The following UBL3 variants were observed in gnomAD, a reference collection of about 807,000 sequenced individuals.
UBL3 encodes ubiquitin-like protein 3.
Under a neutral mutation model 18.4 loss-of-function variants are expected in UBL3, and 6 were observed. That is an observed-to-expected ratio of 0.33 (90% confidence interval 0.18 to 0.64). The LOEUF is 0.64. Among genes scored for constraint, UBL3 ranks in the 30% least tolerant of loss-of-function variants. The pLI is 0.76. For synonymous variants in UBL3, 49 were observed against 46.6 expected (o/e 1.05, Z -0.21); for missense variants, 109 against 142.9 (o/e 0.76, Z 1.21).
At chr13:29,827,091 T>A (rs1278267008) in intron 1 of UBL3, among the ~76,000 whole-genome samples, 4 of 152,142 alleles carry the variant, frequency 2.6e-5, no homozygotes, top group Admixed American at 1.3e-4. Flanking sequence ...TGCTGAGGAG[T>A]GCTTTACTTC....
intron 1 of UBL3, among the ~76,000 whole-genome samples, chr13:29,813,223 G>A (rs541933828): frequency 2.7e-4 from 41 of 152,046 alleles, no homozygotes; most frequent in African/African-American, 9.4e-4. Context: ...ATCTCCCTTT[G>A]CCTTGCTGAG....
At chr13:29,846,689 A>G (rs1312518702) in intron 1 of UBL3, among the ~76,000 whole-genome samples, 1 of 152,174 alleles carries the variant, frequency 6.6e-6, no homozygotes, top group Non-Finnish European at 1.5e-5. Context: ...ATAGGGGTTA[A>G]CTTCACCACT....
chr13:29,826,352 T>C (rs1002466447), intron 1 of UBL3, among the ~76,000 whole-genome samples: 3 of 152,208 alleles, frequency 2.0e-5, no homozygotes, highest in Non-Finnish European at 4.4e-5. Flanking sequence ...TGGTAAGCTA[T>C]TAATCATTGC....
intron 1 of UBL3, among the ~76,000 whole-genome samples, chr13:29,794,037 G>T (rs958334287): frequency 1.3e-5 from 2 of 152,190 alleles, no homozygotes; most frequent in Non-Finnish European, 1.5e-5. Context: ...GTAGAGATAA[G>T]GTTTCGCCAC....
chr13:29,811,116 C>T (rs750200585), intron 1 of UBL3, among the ~76,000 whole-genome samples: 10 of 151,848 alleles, frequency 6.6e-5, no homozygotes, highest in South Asian at 2.1e-4. Flanking sequence ...AATTATTATA[C>T]GATAATCTTT....
chr13:29,788,479 T>C (rs1260839602), intron 1 of UBL3, among the ~76,000 whole-genome samples: 1 of 152,176 alleles, frequency 6.6e-6, no homozygotes, highest in Admixed American at 6.5e-5. Context: ...ACCTGGGTTT[T>C]CTTCTTCCTA....
chr13:29,829,140 A>G (rs1483976139), intron 1 of UBL3, among the ~76,000 whole-genome samples: 2 of 152,052 alleles, frequency 1.3e-5, no homozygotes, highest in East Asian at 3.9e-4. Context: ...GGGGTCAGGG[A>G]CCCACTTGAG....
chr13:29,805,214 A>G (rs546278367), intron 1 of UBL3, among the ~76,000 whole-genome samples: 1 of 152,354 alleles, frequency 6.6e-6, no homozygotes, highest in African/African-American at 2.4e-5. Flanking sequence ...ACCTATATCA[A>G]ACTAAGAATG....
chr13:29,848,543 T>C (rs944246700), intron 1 of UBL3, among the ~76,000 whole-genome samples: 2 of 152,168 alleles, frequency 1.3e-5, no homozygotes, highest in Non-Finnish European at 2.9e-5. Context: ...TTGTTTCCAC[T>C]GAATACACAA....
intron 1 of UBL3, among the ~76,000 whole-genome samples, chr13:29,833,471 A>C (rs897237709): frequency 2.6e-5 from 4 of 152,012 alleles, no homozygotes; most frequent in African/African-American, 9.7e-5. Context: ...CACAAGAAAC[A>C]TAAAAATTTG....
At chr13:29,830,223 T>A (rs951877857) in intron 1 of UBL3, among the ~76,000 whole-genome samples, 2 of 152,180 alleles carry the variant, frequency 1.3e-5, no homozygotes, top group African/African-American at 4.8e-5. Context: ...TGGTTCTAAT[T>A]GAGAAATGAG....
chr13:29,825,833 T>A (rs1878603208), intron 1 of UBL3, among the ~76,000 whole-genome samples: 2 of 152,206 alleles, frequency 1.3e-5, no homozygotes, highest in Non-Finnish European at 2.9e-5. Flanking sequence ...GCTGTGGGTT[T>A]GTCATAGATA....
chr13:29,839,174 T>C (rs764774467), intron 1 of UBL3, among the ~76,000 whole-genome samples: 5 of 152,136 alleles, frequency 3.3e-5, no homozygotes, highest in African/African-American at 9.7e-5. Flanking sequence ...ATACAATAGA[T>C]TGAACATGAT....
chr13:29,798,713 C>T (rs1010568823), intron 1 of UBL3, among the ~76,000 whole-genome samples: 1 of 152,190 alleles, frequency 6.6e-6, no homozygotes, highest in African/African-American at 2.4e-5. Context: ...TGCAACAGCA[C>T]AGCTATTTCA....
At chr13:29,799,536 T>C (rs978264637) in intron 1 of UBL3, among the ~76,000 whole-genome samples, 2 of 152,218 alleles carry the variant, frequency 1.3e-5, no homozygotes, top group African/African-American at 4.8e-5. Flanking sequence ...TATTATTTTC[T>C]TTGCTCCCAT....
chr13:29,781,828 T>TAA (rs11357100), intron 1 of UBL3, among the ~76,000 whole-genome samples: 10 of 82,708 alleles, frequency 1.2e-4, no homozygotes, highest in African/African-American at 1.5e-4. Context: ...TACAAAAAAT[T>TAA]AAAAAAAAAA....
intron 1 of UBL3, among the ~76,000 whole-genome samples, chr13:29,778,988 T>C (rs1182818399): frequency 6.6e-6 from 1 of 152,228 alleles, no homozygotes; most frequent in Non-Finnish European, 1.5e-5. Context: ...TAAGAATTTC[T>C]TGCTGCTTTT....
intron 2 of UBL3, among the ~76,000 whole-genome samples, chr13:29,773,087 T>C (rs1439836100): frequency 3.9e-5 from 6 of 152,294 alleles, no homozygotes; most frequent in South Asian, 4.1e-4. Flanking sequence ...ACAATTCTAA[T>C]GTGTTTGTTT....
chr13:29,821,179 GCTTA>G (rs1878428991), intron 1 of UBL3, among the ~76,000 whole-genome samples: 1 of 151,932 alleles, frequency 6.6e-6, no homozygotes, highest in Non-Finnish European at 1.5e-5. Flanking sequence ...CAAAGAAGAA[GCTTA>G]CTAAGTACCA....
Sources: allele counts gnomAD v4.1 joint callset (sites outside exome capture counted in the v4.1 genomes callset), GRCh38; gene constraint gnomAD v4.1.1; transcripts MANE v1.5; gene names NCBI Gene and HGNC (gene_info 2026-07-23, HGNC 2026-07-21).